TANC1: variants seen among roughly 807,000 people sequenced by gnomAD.
The protein encoded by TANC1 is protein TANC1.
TANC1 carries 77 observed loss-of-function variants against 149.7 expected under a neutral mutation model. That is an observed-to-expected ratio of 0.51 (90% CI 0.43 to 0.62). TANC1 has a LOEUF of 0.62. TANC1 is among the 20% of genes least tolerant of loss of function. The pLI is 0.00. For missense variants in TANC1, 1,985 were observed against 2,321.8 expected (o/e 0.85, Z 2.98); for synonymous variants, 854 against 925.0 (o/e 0.92, Z 1.39).
intron 2 of TANC1, among the ~76,000 whole-genome samples, chr2:159,059,051 T>A (rs2042046684): frequency 6.6e-6 from 1 of 152,098 alleles, no homozygotes; most frequent in Non-Finnish European, 1.5e-5. Flanking sequence ...TATACTTAAA[T>A]CTGAAGTGTT....
At chr2:159,183,824 G>T (rs954839377) in intron 14 of TANC1, among the ~76,000 whole-genome samples, 1 of 152,162 alleles carries the variant, frequency 6.6e-6, no homozygotes, top group African/African-American at 2.4e-5. Flanking sequence ...GAGTGACGGG[G>T]CAGGTTGCCT....
rs749790477 is a variant in TANC1 at position 159,228,830 on chromosome 2, C to G, written c.4085C>G (p.Ala1362Gly). The stretch of plus-strand genomic sequence containing the variant: ...ATGGCAGAGGAATTTGCTTCCAAGG[C>G]TCTCGAATTGAAGCCCAAGTCCTAT... Reference protein sequence around the residue: ...FGMAEEFASKALELKPKSYEA... With the variant: ...FGMAEEFASKGLELKPKSYEA... Residue 1362 changes from alanine to glycine, a missense_variant, in exon 26 of 27, where the codon GCT becomes GGT. Transcript: ENST00000263635. 2.5e-6 allele frequency: 4 copies of G among 1,614,132 alleles called. No individual in the cohort carries two copies. The South Asian group carries it at 3.3e-5, about 13-fold the overall frequency.
chr2:159,042,067 C>T (rs1175825244), intron 2 of TANC1, among the ~76,000 whole-genome samples: 1 of 152,168 alleles, frequency 6.6e-6, no homozygotes, highest in Non-Finnish European at 1.5e-5. Flanking sequence ...AGGCTGAACC[C>T]ATCCCCTGTA....
intron 4 of TANC1, among the ~76,000 whole-genome samples, chr2:159,099,786 T>G (rs2046491423): frequency 6.6e-6 from 1 of 151,418 alleles, no homozygotes; most frequent in African/African-American, 2.4e-5. Context: ...TCTTAGTAAT[T>G]TTTCATGCAC....
At chr2:159,047,075 A>C (rs756017674) in intron 2 of TANC1, among the ~76,000 whole-genome samples, 2 of 151,892 alleles carry the variant, frequency 1.3e-5, no homozygotes, top group African/African-American at 4.8e-5. Flanking sequence ...TCCACACTTC[A>C]TGGACCCCCC....
Position 159,097,696 on chromosome 2 carries a change from C to A in TANC1, c.121C>A (p.Pro41Thr), listed in dbSNP as rs770633909. ...GCACCTTGACCACAGTGCTGACTCT[C>A]CTGTGAGCAGTCTTCCCACAGCAGA... ...VLHLDHSADS[P>T]VSSLPTAEDT... Residue 41 changes from proline to threonine, a missense_variant, in exon 4 of 27, where the codon CCT becomes ACT. Transcript: ENST00000263635. 1 of 1,614,134 alleles carries A rather than the reference C, an allele frequency of 6.2e-7. No individual in the cohort carries two copies. Among genetic ancestry groups the A allele is most frequent in the Non-Finnish European group, 8.5e-7 (1 of 1,180,000 alleles).
chr2:159,189,071 T>C (rs1040999243), intron 16 of TANC1, among the ~76,000 whole-genome samples: 1 of 152,190 alleles, frequency 6.6e-6, no homozygotes, highest in African/African-American at 2.4e-5. Context: ...TTCTCACCTA[T>C]AAAGTGGAGA....
chr2:159,208,963 G>A (rs758040984), intron 19 of TANC1, among the ~76,000 whole-genome samples: 14 of 152,180 alleles, frequency 9.2e-5, no homozygotes, highest in Admixed American at 6.5e-5. Context: ...AAATACTTGT[G>A]TGTCTAAACA....
chr2:158,980,055 A>G (rs1328134122), intron 1 of TANC1, among the ~76,000 whole-genome samples: 1 of 152,240 alleles, frequency 6.6e-6, no homozygotes, highest in Non-Finnish European at 1.5e-5. Flanking sequence ...AAGAATTCCC[A>G]AAATGCATTC....
chr2:159,208,794 A>G (rs1354836184), intron 19 of TANC1, among the ~76,000 whole-genome samples: 1 of 152,210 alleles, frequency 6.6e-6, no homozygotes, highest in Non-Finnish European at 1.5e-5. Context: ...CGTGCATGAG[A>G]TAGTTCTGAG....
chr2:159,219,977 A>AGAGAGTGTGTGTGTGTGT (rs1553616294), intron 22 of TANC1, 110 bp downstream of exon 22: 12 of 560,600 alleles, frequency 2.1e-5, no homozygotes, highest in African/African-American at 2.1e-4. Flanking sequence ...GTCATCAGAG[A>AGAGAGTGTGTGTGTGTGT]GTGTGTGTGT....
intron 19 of TANC1, among the ~76,000 whole-genome samples, chr2:159,215,737 A>G (rs1428792540): frequency 2.0e-5 from 3 of 152,174 alleles, no homozygotes; most frequent in African/African-American, 7.2e-5. Flanking sequence ...TCTGCTTTTG[A>G]ACTATGTATG....
At chr2:159,210,305 T>G (rs1423047809) in intron 19 of TANC1, among the ~76,000 whole-genome samples, 1 of 152,216 alleles carries the variant, frequency 6.6e-6, no homozygotes, top group Non-Finnish European at 1.5e-5. Context: ...TGTTGTGATC[T>G]GTAAGCCAAG....
At chr2:159,040,688 C>T (rs956051913) in intron 2 of TANC1, among the ~76,000 whole-genome samples, 1 of 152,126 alleles carries the variant, frequency 6.6e-6, no homozygotes, top group Non-Finnish European at 1.5e-5. Context: ...TTTTAGCTTC[C>T]TTGCAATGGG....
At chr2:158,981,043 A>G (rs1168274020) in intron 1 of TANC1, among the ~76,000 whole-genome samples, 3 of 152,064 alleles carry the variant, frequency 2.0e-5, no homozygotes, top group Non-Finnish European at 4.4e-5. Context: ...ACTGGAGGCT[A>G]GGTCTAAAAG....
chr2:158,978,684 G>A (rs902364218), intron 1 of TANC1, among the ~76,000 whole-genome samples: 1 of 152,196 alleles, frequency 6.6e-6, no homozygotes, highest in Non-Finnish European at 1.5e-5. Flanking sequence ...TCCCCACTGG[G>A]AGATGGGAGG....
At chr2:158,974,904 TG>T (rs370476703) in intron 1 of TANC1, among the ~76,000 whole-genome samples, 7 of 143,650 alleles carry the variant, frequency 4.9e-5, no homozygotes, top group African/African-American at 1.8e-4. Context: ...AGCTAATTTT[TG>T]TATTTTTTTT....
At chr2:159,167,335 G>T (rs2150436712) in intron 8 of TANC1, among the ~76,000 whole-genome samples, 1 of 152,314 alleles carries the variant, frequency 6.6e-6, no homozygotes, top group African/African-American at 2.4e-5. Flanking sequence ...CAGGAGCCTA[G>T]AAAATGTTCC....
intron 2 of TANC1, among the ~76,000 whole-genome samples, chr2:159,053,914 G>A (rs1443318012): frequency 6.6e-6 from 1 of 152,168 alleles, no homozygotes; most frequent in Non-Finnish European, 1.5e-5. Flanking sequence ...CACATGGACA[G>A]CACTGTAGTT....
Sources: allele counts gnomAD v4.1 joint callset (sites outside exome capture counted in the v4.1 genomes callset), GRCh38; gene constraint gnomAD v4.1.1; transcripts MANE v1.5; gene names NCBI Gene and HGNC (gene_info 2026-07-23, HGNC 2026-07-21).